NCLN: variants seen among roughly 807,000 people sequenced by gnomAD.
NCLN encodes BOS complex subunit NCLN.
In NCLN, 34 loss-of-function variants were observed where a neutral mutation model predicts 69.5. The ratio of observed to expected loss-of-function variants is 0.49; its 90% CI spans 0.37 to 0.65. NCLN has a LOEUF of 0.65. Ranked by LOEUF, NCLN falls within the 30% of genes least tolerant of loss-of-function variation. The pLI is 0.00. For synonymous variants in NCLN, 393 were observed against 358.3 expected (o/e 1.10, Z -1.09); for missense variants, 710 against 804.8 (o/e 0.88, Z 1.42).
chr19:3,196,187 G>T lies in NCLN; in HGVS notation c.525G>T (p.Leu175=). The T allele has an allele frequency of 6.4e-7, 1 of 1,551,348 alleles. No individual in the cohort carries two copies. Residue 175 remains leucine (L), a synonymous_variant, in exon 4 of 15, where the codon CTG becomes CTT. Transcript: ENST00000246117. ...GCGCCCTCTCCCTCTCCCTAGTACT[G>T]CTGCGCACGGCCACTGCCAACGGCT... ...SQGSASAAEV[L]LRTATANGFQ...
chr19:3,206,988 A>AT (rs1056184149), intron 12 of NCLN, among the ~76,000 whole-genome samples: 2 of 151,578 alleles, frequency 1.3e-5, no homozygotes, highest in Admixed American at 6.6e-5. Context: ...TGCCCGGCTA[A>AT]TTTTTTTTAA....
intron 1 of NCLN, among the ~76,000 whole-genome samples, chr19:3,187,682 G>A (rs1394577834): frequency 1.1e-4 from 16 of 152,210 alleles, no homozygotes; most frequent in Admixed American, 4.6e-4. Flanking sequence ...GGCCAGGGAC[G>A]CTGCTCAATT....
rs781149342 is a variant in NCLN at position 3,192,515 on chromosome 19, C to A, written c.230C>A (p.Ala77Glu). ...AACACGGAGGCGCGCACGATGGCGG[C>A]GGAGGTGCTGAGCCGCCGCTGCGTG... Reference protein sequence around the residue: ...VLNTEARTMAAEVLSRRCVLM... With the variant: ...VLNTEARTMAEEVLSRRCVLM... Residue 77 changes from alanine (A) to glutamate (E), a missense_variant, in exon 2 of 15, where the codon GCG becomes GAG. By Grantham distance (107) the Ala-to-Glu change is moderately radical (BLOSUM62 -1). Transcript: ENST00000246117. 1 of 1,607,668 alleles carries A rather than the reference C, an allele frequency of 6.2e-7. No individual in the cohort carries two copies. Among genetic ancestry groups the A allele is most frequent in the Admixed American group, 1.7e-5 (1 of 59,300 alleles).
chr19:3,204,095 C>G lies in NCLN; in HGVS notation c.980C>G (p.Pro327Arg). Residue 327 changes from proline to arginine, a missense_variant, in exon 8 of 15, where the codon CCG becomes CGG. Transcript: ENST00000246117. ...GSSLHLHVSK[P>R]PREGTLQHAF... Reference sequence around the variant, plus strand: ...AGCCTGCACCTGCACGTGTCCAAGCCGCCTCGGGAGGGCACCCTGCAGCAC... The same window carrying G: ...AGCCTGCACCTGCACGTGTCCAAGCGGCCTCGGGAGGGCACCCTGCAGCAC... 1 of 1,533,056 alleles carries G rather than the reference C, an allele frequency of 6.5e-7. No homozygotes were observed. Among genetic ancestry groups the G allele is most frequent in the Non-Finnish European group, 8.8e-7 (1 of 1,142,384 alleles). The allele number at this position is 1,533,056 out of a possible 1,614,324, so 95.0% of individuals were successfully genotyped here.
rs181385500 is a variant in NCLN, at chr19:3,203,857, G to A, written c.889+13G>A. 8.2e-5 allele frequency: 132 copies of A among 1,608,518 alleles called. No homozygotes were observed. Among genetic ancestry groups the A allele is most frequent in the East Asian group, 3.4e-4 (15 of 44,718 alleles). ...CTGGACCACACAGGTGAGCGGCCCC[G>A]GGTGGGGGTGGGGGTGCCGCGGTGG... On this transcript the variant is annotated intron_variant, in intron 7 of 14. Transcript: ENST00000246117.
chr19:3,189,796 G>T (rs1304228118), intron 1 of NCLN, among the ~76,000 whole-genome samples: 2 of 152,194 alleles, frequency 1.3e-5, no homozygotes, highest in Non-Finnish European at 2.9e-5. Context: ...ATGGGCCTTG[G>T]CCACAGAGAG....
At position 3,201,644 on chromosome 19, in the gene NCLN, CA is replaced by C; in HGVS notation, c.800+19del. The C allele has an allele frequency of 4.0e-6, 6 of 1,485,454 alleles. No homozygotes were observed. The highest frequency in any genetic ancestry group is 5.4e-6 in the Non-Finnish European group (6 of 1,104,538). The allele number at this position is 1,485,454 out of a possible 1,614,324, so 92.0% of individuals were successfully genotyped here. A position where few individuals can be genotyped will look rare whatever the true frequency, so the allele number is the denominator to read the frequency against. ...CACGCCGCGTGAGTGCCGGGGTGGG[CA>C]GGGGGATGGGGGTGCGGGGGCCACA... is the stretch of plus-strand genomic sequence containing the variant. On this transcript the variant is annotated intron_variant, in intron 6 of 14. Transcript: ENST00000246117.
At chr19:3,200,264 A>G (rs965728848) in intron 5 of NCLN, among the ~76,000 whole-genome samples, 4 of 147,052 alleles carry the variant, frequency 2.7e-5, no homozygotes, top group Non-Finnish European at 6.0e-5. Context: ...CTCTGTCCTC[A>G]TTGTCCCCTA....
chr19:3,202,960 G>A (rs1420517842), intron 6 of NCLN, among the ~76,000 whole-genome samples: 3 of 152,088 alleles, frequency 2.0e-5, no homozygotes, highest in Non-Finnish European at 4.4e-5. Context: ...GGGGTAGGGG[G>A]CGTGCTGAGC....
chr19:3,207,851 T>C lies in NCLN; in HGVS notation c.*163T>C, dbSNP rs1252649369. ...GAATTACAGAGCTTTTTTCTGTTGC[T>C]CTCCGAGACTGGGGGGGGATTGTTT... On this transcript the variant is annotated 3_prime_UTR_variant, in exon 15 of 15. Coordinates refer to ENST00000246117, the MANE Select transcript of NCLN (RefSeq NM_020170.4). 1 of 608,720 alleles carries C rather than the reference T, an allele frequency of 1.6e-6. No individual in the cohort carries two copies. The highest frequency in any genetic ancestry group is 2.8e-5 in the East Asian group (1 of 35,614). The allele number at this position is 608,720 out of a possible 1,614,324, so 37.7% of individuals were successfully genotyped here.
At chr19:3,198,693 G>GA (rs1916038719) in intron 4 of NCLN, 124 bp from the exon 5 acceptor site, 2 of 687,142 alleles carry the variant, frequency 2.9e-6, no homozygotes, top group African/African-American at 3.8e-5. Flanking sequence ...CCTCAGTGCT[G>GA]AGGCCGATGC....
rs771073858 is a variant in NCLN, at chr19:3,192,470, G to C, written c.185G>C (p.Gly62Ala). 1 of 1,588,968 alleles carries C rather than the reference G, an allele frequency of 6.3e-7. No homozygotes were observed. The highest frequency in any genetic ancestry group is 1.1e-5 in the South Asian group (1 of 88,284). Residue 62 changes from glycine (G) to alanine (A), a missense_variant and splice_region_variant, in exon 2 of 15, where the codon GGC becomes GCC. Physicochemically the swap from Gly to Ala is moderately conservative, Grantham distance 60. Coordinates refer to ENST00000246117, the MANE Select transcript of NCLN (RefSeq NM_020170.4). ...QQYDLQGQPY[G>A]TRNAVLNTEA... ...CACGACCCCGCCCCTGTGCCCACAGGCACACGGAATGCAGTGCTGAACACG... is the reference window on the plus strand; with the variant it reads ...CACGACCCCGCCCCTGTGCCCACAGCCACACGGAATGCAGTGCTGAACACG...
At chr19:3,193,820 C>T (rs752350808) in intron 3 of NCLN, among the ~76,000 whole-genome samples, 14 of 152,218 alleles carry the variant, frequency 9.2e-5, no homozygotes, top group Non-Finnish European at 1.9e-4. Context: ...GGTGCGTCGG[C>T]GGTGTCCTTA....
intron 6 of NCLN, among the ~76,000 whole-genome samples, chr19:3,202,712 A>T (rs311627): frequency 0.22 from 33,664 of 151,596 alleles, 3,774 homozygotes; most frequent in East Asian, 0.28. Context: ...CTAAAGCACT[A>T]GGATTACAGG....
chr19:3,204,529 C>T (rs370520638), intron 8 of NCLN, 44 bp from the exon 9 acceptor site: 158 of 1,485,590 alleles, frequency 1.1e-4, no homozygotes, highest in East Asian at 2.0e-4. Context: ...CTGGGGTGGC[C>T]GCCATCCCCG....
At position 3,208,361 on chromosome 19, in the gene NCLN, C is replaced by T. The variant is rs1916335444; in HGVS notation, c.*673C>T. 1 of 152,358 alleles carries T rather than the reference C, an allele frequency of 6.6e-6. No homozygotes were observed. Among genetic ancestry groups the T allele is most frequent in the Non-Finnish European group, 1.5e-5 (1 of 68,142 alleles). 9.4% of individuals were successfully genotyped at this position (152,358 alleles called of 1,614,324 possible). A position where few individuals can be genotyped will look rare whatever the true frequency, so the allele number is the denominator to read the frequency against. On this transcript the variant is annotated 3_prime_UTR_variant, in exon 15 of 15. Transcript: ENST00000246117. ...AGGGTCTGATGTCATCATTGACAGC[C>T]TTTGCTTCGTGGGGGCCTGGCAGGG...
chr19:3,193,960 T>A lies in NCLN; in HGVS notation c.520+532T>A, dbSNP rs1599351346. On this transcript the variant is annotated intron_variant, in intron 3 of 14. Coordinates refer to ENST00000246117, the MANE Select transcript of NCLN (RefSeq NM_020170.4). Reference sequence around the variant, plus strand: ...AGATGGGAGTTGCCGCTGTGGAGAGTGAGGAGAAAGAGGAACTGGAGAAGC... The same window carrying A: ...AGATGGGAGTTGCCGCTGTGGAGAGAGAGGAGAAAGAGGAACTGGAGAAGC... Among the ~76,000 whole-genome samples the A allele has an allele frequency of 4.7e-5, 7 of 149,980 alleles. No homozygotes were observed. The South Asian group carries it at 1.3e-3, about 27-fold the overall frequency.
chr19:3,202,245 TG>T (rs1916145181), intron 6 of NCLN, among the ~76,000 whole-genome samples: 2 of 152,184 alleles, frequency 1.3e-5, no homozygotes, highest in Admixed American at 1.3e-4. Flanking sequence ...TCCCAGGAGC[TG>T]GGGTCCCCCT....
intron 6 of NCLN, among the ~76,000 whole-genome samples, chr19:3,202,721 G>T (rs1403574310): frequency 2.0e-5 from 3 of 151,930 alleles, no homozygotes; most frequent in African/African-American, 7.3e-5. Context: ...TAGGATTACA[G>T]GTGTGAGCCA....
Sources: allele counts gnomAD v4.1 joint callset (sites outside exome capture counted in the v4.1 genomes callset), GRCh38; gene constraint gnomAD v4.1.1; transcripts MANE v1.5; gene names NCBI Gene and HGNC (gene_info 2026-07-23, HGNC 2026-07-21).